The following ZNF827 variants were observed in gnomAD, a reference collection of about 807,000 sequenced individuals.
ZNF827 encodes zinc finger protein 827.
Under a neutral mutation model 102.4 loss-of-function variants are expected in ZNF827, and 13 were observed. The ratio of observed to expected loss-of-function variants is 0.13; its 90% CI spans 0.08 to 0.20. The LOEUF (loss-of-function observed/expected upper bound fraction) is 0.20. ZNF827 is among the 10% of genes least tolerant of loss of function. The pLI is 1.00. For synonymous variants in ZNF827, 523 were observed against 536.2 expected (o/e 0.98, Z 0.34); for missense variants, 1,103 against 1,344.4 (o/e 0.82, Z 2.81).
intron 5 of ZNF827, among the ~76,000 whole-genome samples, chr4:145,853,607 C>T (rs555622771): frequency 2.0e-5 from 3 of 150,076 alleles, no homozygotes; most frequent in African/African-American, 7.4e-5. Context: ...AAACAACCCA[C>T]AAAAAAACAA....
intron 1 of ZNF827, among the ~76,000 whole-genome samples, chr4:145,935,605 A>G (rs1168316230): frequency 6.6e-6 from 1 of 152,226 alleles, no homozygotes; most frequent in Non-Finnish European, 1.5e-5. Flanking sequence ...GTGTTTCCAA[A>G]GGTAATTGCT....
rs200382885 is a variant in ZNF827, at chr4:145,886,730, C to CAA, written c.1267-574_1267-573dup. Among the ~76,000 whole-genome samples the CAA allele has an allele frequency of 3.1e-4, 43 of 136,996 alleles. No homozygotes were observed. In the East Asian group the frequency reaches 6.5e-3, roughly 21 times the overall value. The allele number at this position is 136,996 out of a possible 152,430, so 89.9% of individuals were successfully genotyped here. On this transcript the variant is annotated intron_variant, in intron 3 of 14. Transcript: ENST00000508784. ...TAAATGGATTGAGCGAAATTACATA[C>CAA]AAAAAAAAAAAACAAAGTAGGAGAA...
rs898213377 is a variant in ZNF827 at position 145,757,982 on chromosome 4, G to C, written c.*3634C>G. 1 of 152,162 alleles carries C rather than the reference G, an allele frequency of 6.6e-6. No individual in the cohort carries two copies. The highest frequency in any genetic ancestry group is 2.1e-4 in the South Asian group (1 of 4,826). 9.4% of individuals were successfully genotyped at this position (152,162 alleles called of 1,614,324 possible). A position where few individuals can be genotyped will look rare whatever the true frequency, so the allele number is the denominator to read the frequency against. ...GTAGGTGAATTTCTCAAAGATGTTAGTGTTTTATACGGAAAGGATATCTAT... is the reference window on the plus strand; with the variant it reads ...GTAGGTGAATTTCTCAAAGATGTTACTGTTTTATACGGAAAGGATATCTAT... On this transcript the variant is annotated 3_prime_UTR_variant, in exon 15 of 15. Transcript: ENST00000508784.
intron 8 of ZNF827, among the ~76,000 whole-genome samples, chr4:145,801,683 A>C (rs1740921472): frequency 6.6e-6 from 1 of 152,208 alleles, no homozygotes; most frequent in Non-Finnish European, 1.5e-5. Context: ...GTGGGAAGCC[A>C]ATCAATTTGA....
At chr4:145,788,582 A>G (rs1044022450) in intron 8 of ZNF827, among the ~76,000 whole-genome samples, 1 of 152,258 alleles carries the variant, frequency 6.6e-6, no homozygotes, top group African/African-American at 2.4e-5. Context: ...ACCTTATTGA[A>G]TAAATGATAT....
At chr4:145,814,637 A>AAAC (rs1742385369) in intron 8 of ZNF827, among the ~76,000 whole-genome samples, 1 of 96,144 alleles carries the variant, frequency 1.0e-5, no homozygotes, top group Non-Finnish European at 2.1e-5. Context: ...AACAAACAAA[A>AAAC]ACTAGGCCTG....
intron 7 of ZNF827, among the ~76,000 whole-genome samples, chr4:145,825,382 G>C (rs1002463423): frequency 6.6e-6 from 1 of 152,186 alleles, no homozygotes; most frequent in Non-Finnish European, 1.5e-5. Context: ...CTTAAGTAAG[G>C]GGGTCAGGGA....
At chr4:145,836,826 C>A (rs1369259434) in intron 7 of ZNF827, among the ~76,000 whole-genome samples, 1 of 152,016 alleles carries the variant, frequency 6.6e-6, no homozygotes, top group Admixed American at 6.6e-5. Flanking sequence ...CCTCTCATTT[C>A]CTTTCCATCG....
At chr4:145,936,440 G>A (rs937336143) in intron 1 of ZNF827, among the ~76,000 whole-genome samples, 1 of 144,644 alleles carries the variant, frequency 6.9e-6, no homozygotes, top group Non-Finnish European at 1.5e-5. Flanking sequence ...GACTGCACAG[G>A]GGCATTTTTT....
intron 1 of ZNF827, among the ~76,000 whole-genome samples, chr4:145,908,346 T>C (rs1752033346): frequency 6.6e-6 from 1 of 152,206 alleles, no homozygotes. Flanking sequence ...TCACCTGGCA[T>C]AGGATTGGAG....
rs1414527519 is a variant in ZNF827, at chr4:145,758,041, A to G, written c.*3575T>C. 1 of 152,186 alleles carries G rather than the reference A, an allele frequency of 6.6e-6. No homozygotes were observed. The highest frequency in any genetic ancestry group is 1.5e-5 in the Non-Finnish European group (1 of 68,024). 9.4% of individuals were successfully genotyped at this position (152,186 alleles called of 1,614,324 possible). ...TCCTTCCCTGAGTATCAAACTGCAAACCAAATTCAGGGGTACATATTTTCT... is the reference window on the plus strand; with the variant it reads ...TCCTTCCCTGAGTATCAAACTGCAAGCCAAATTCAGGGGTACATATTTTCT... On this transcript the variant is annotated 3_prime_UTR_variant, in exon 15 of 15. Coordinates refer to ENST00000508784, the MANE Select transcript of ZNF827 (RefSeq NM_001306215.2).
chr4:145,843,315 C>T (rs1449602002), intron 7 of ZNF827, among the ~76,000 whole-genome samples: 5 of 152,010 alleles, frequency 3.3e-5, no homozygotes, highest in African/African-American at 1.2e-4. Flanking sequence ...ATGCCGGGAG[C>T]TCACAGGAAG....
chr4:145,770,337 AATAAATAAAT>A (rs1736073487), intron 11 of ZNF827, among the ~76,000 whole-genome samples: 4 of 63,996 alleles, frequency 6.3e-5, no homozygotes, highest in Non-Finnish European at 2.1e-4. Flanking sequence ...TAAATAAATA[AATAAATAAAT>A]AAAATAGATC....
intron 8 of ZNF827, among the ~76,000 whole-genome samples, chr4:145,797,800 CT>C (rs1470867746): frequency 6.6e-6 from 1 of 152,130 alleles, no homozygotes; most frequent in African/African-American, 2.4e-5. Flanking sequence ...ATGATTTATT[CT>C]GGAAATTCTC....
At chr4:145,838,731 T>C (rs1745127185) in intron 7 of ZNF827, among the ~76,000 whole-genome samples, 2 of 152,170 alleles carry the variant, frequency 1.3e-5, no homozygotes, top group Non-Finnish European at 2.9e-5. Flanking sequence ...GACTCAGTTA[T>C]AAATGAAAAA....
intron 9 of ZNF827, 33 bp from the exon 10 acceptor site, chr4:145,775,993 C>T (rs751041173): frequency 1.1e-5 from 18 of 1,612,052 alleles, no homozygotes; most frequent in Admixed American, 6.7e-5. Context: ...AAGCCCAAAT[C>T]GCTTTCAAAA....
chr4:145,768,225 C>T (rs1205831544), intron 11 of ZNF827, among the ~76,000 whole-genome samples: 2 of 152,134 alleles, frequency 1.3e-5, no homozygotes, highest in Non-Finnish European at 2.9e-5. Flanking sequence ...AGTACAGTAA[C>T]GTGATCCCAG....
chr4:145,845,858 C>T, intron 7 of ZNF827, 98 bp downstream of exon 7: 4 of 1,248,320 alleles, frequency 3.2e-6, no homozygotes, highest in Non-Finnish European at 2.3e-6. Context: ...CCTTTGAACC[C>T]AGTGGGAGAA....
At position 145,849,372 on chromosome 4, in the gene ZNF827, C is replaced by A; in HGVS notation, c.2171G>T (p.Ser724Ile). The A allele has an allele frequency of 6.2e-7, 1 of 1,614,122 alleles. No homozygotes were observed. Among genetic ancestry groups the A allele is most frequent in the Non-Finnish European group, 8.5e-7 (1 of 1,180,024 alleles). Residue 724 changes from serine (S) to isoleucine (I), a missense_variant, in exon 6 of 15, where the codon AGT becomes ATT. By Grantham distance (142) the Ser-to-Ile change is moderately radical. Coordinates refer to ENST00000508784, the MANE Select transcript of ZNF827 (RefSeq NM_001306215.2). ...AGCCATTTTCACAGAGATATCCTGACTGAAGAGGTTTCTCTCTGGGGGTAC... is the reference window on the plus strand; with the variant it reads ...AGCCATTTTCACAGAGATATCCTGAATGAAGAGGTTTCTCTCTGGGGGTAC... ...GRVPPERNLF[S>I]QDISVKMASE... is the part of the protein sequence containing the mutation.
Sources: allele counts gnomAD v4.1 joint callset (sites outside exome capture counted in the v4.1 genomes callset), GRCh38; gene constraint gnomAD v4.1.1; transcripts MANE v1.5; gene names NCBI Gene and HGNC (gene_info 2026-07-23, HGNC 2026-07-21).